The following CHST8 variants were observed in gnomAD, a reference collection of about 807,000 sequenced individuals.
The protein encoded by CHST8 is carbohydrate sulfotransferase 8, also known as GALNAC-4-ST1.
Under a neutral mutation model 15.0 loss-of-function variants are expected in CHST8, and 10 were observed. The ratio of observed to expected loss-of-function variants is 0.67; its 90% CI spans 0.41 to 1.13. The LOEUF (loss-of-function observed/expected upper bound fraction) is 1.13, where lower values mean the gene tolerates loss of function less well. CHST8 is among the 50% of genes most tolerant of loss of function. The pLI is 0.00. For synonymous variants in CHST8, 259 were observed against 256.6 expected (o/e 1.01, Z -0.09); for missense variants, 634 against 608.2 (o/e 1.04, Z -0.45).
chr19:33,703,162 G>A (rs1483562192), intron 3 of CHST8, among the ~76,000 whole-genome samples: 1 of 152,220 alleles, frequency 6.6e-6, no homozygotes, highest in African/African-American at 2.4e-5. Context: ...CCCGAGGTAG[G>A]GGGCCCTTTG....
At chr19:33,666,561 A>T (rs1039320273) in intron 1 of CHST8, among the ~76,000 whole-genome samples, 1 of 152,216 alleles carries the variant, frequency 6.6e-6, no homozygotes, top group Admixed American at 6.5e-5. Flanking sequence ...GAGGCTGGGC[A>T]TCAGGGAAGA....
chr19:33,739,670 T>C (rs1318981021), intron 3 of CHST8, among the ~76,000 whole-genome samples: 3 of 152,234 alleles, frequency 2.0e-5, no homozygotes, highest in Non-Finnish European at 4.4e-5. Context: ...GTTCCTTCCA[T>C]CAGTCCCAAA....
chr19:33,623,086 C>G (rs973794640), intron 1 of CHST8, among the ~76,000 whole-genome samples: 2 of 152,156 alleles, frequency 1.3e-5, no homozygotes, highest in African/African-American at 4.8e-5. Flanking sequence ...TGGCAGTGCC[C>G]GATGCTGGGG....
At position 33,772,967 on chromosome 19, in the gene CHST8, C is replaced by T. The variant is rs140955724; in HGVS notation, c.1179C>T (p.Ala393=). The change falls in exon 5 of 5, where the codon GCC becomes GCT. Residue 393 remains alanine, a synonymous_variant. Coordinates refer to ENST00000650847, the MANE Select transcript of CHST8 (RefSeq NM_001127895.2). The part of the protein sequence containing the change: ...TTARIAHQYF[A]QLSALQRQRT... ...CGAGGATCGCCCACCAGTACTTCGC[C>T]CAACTCTCGGCCCTGCAAAGGCAGC... 7.6e-5 allele frequency: 123 copies of T among 1,613,632 alleles called. No individual in the cohort carries two copies. The highest frequency in any genetic ancestry group is 1.2e-4 in the Admixed American group (7 of 60,038).
In CHST8 at chr19:33,748,760, GCTCCTGGGCC is replaced by G. The variant is rs948598880; in HGVS notation, c.131-22650_131-22641del. 2.0e-5 allele frequency among the ~76,000 whole-genome samples: 3 copies of G among 152,156 alleles called. 1 individual carries two copies. Among genetic ancestry groups the G allele is most frequent in the Admixed American group, 1.3e-4 (2 of 15,266 alleles). ...GGCTGCAGGCAGGTAAATTGCTGCCGCTCCTGGGCCCTTAGGAGGCTCTCACAGCTCAGAT... is the reference window on the plus strand; with the variant it reads ...GGCTGCAGGCAGGTAAATTGCTGCCGCTTAGGAGGCTCTCACAGCTCAGAT... On this transcript the variant is annotated intron_variant, in intron 3 of 4. Coordinates refer to ENST00000650847, the MANE Select transcript of CHST8 (RefSeq NM_001127895.2).
At chr19:33,657,514 C>G (rs1463006839) in intron 1 of CHST8, among the ~76,000 whole-genome samples, 1 of 151,782 alleles carries the variant, frequency 6.6e-6, no homozygotes, top group African/African-American at 2.4e-5. Context: ...TTAAGCAATT[C>G]GCCCACCTCA....
At chr19:33,681,548 G>A (rs1007432735) in intron 2 of CHST8, among the ~76,000 whole-genome samples, 2 of 152,230 alleles carry the variant, frequency 1.3e-5, no homozygotes, top group African/African-American at 4.8e-5. Flanking sequence ...CAGGCGGCAG[G>A]TGTGGGTGAG....
At chr19:33,651,540 G>A (rs1227082677) in intron 1 of CHST8, among the ~76,000 whole-genome samples, 1 of 152,002 alleles carries the variant, frequency 6.6e-6, no homozygotes, top group African/African-American at 2.4e-5. Context: ...ATTCTGTAAT[G>A]CATTTCTGAA....
At chr19:33,719,195 T>C (rs1437529612) in intron 3 of CHST8, among the ~76,000 whole-genome samples, 1 of 134,006 alleles carries the variant, frequency 7.5e-6, no homozygotes, top group Non-Finnish European at 1.6e-5. Context: ...AAATGTTTTG[T>C]AAAATGTTTA....
intron 3 of CHST8, among the ~76,000 whole-genome samples, chr19:33,691,098 C>T (rs1017599090): frequency 1.7e-4 from 26 of 152,242 alleles, no homozygotes; most frequent in Non-Finnish European, 2.9e-5. Context: ...GTGGCTTCAG[C>T]TAGTGCCCTG....
At chr19:33,650,636 A>G (rs1972435198) in intron 1 of CHST8, among the ~76,000 whole-genome samples, 1 of 140,746 alleles carries the variant, frequency 7.1e-6, no homozygotes, top group Non-Finnish European at 1.5e-5. Flanking sequence ...GGTTCAAACC[A>G]TTCTCGTGCC....
intron 3 of CHST8, among the ~76,000 whole-genome samples, chr19:33,713,854 C>T (rs1973607018): frequency 2.0e-5 from 3 of 150,962 alleles, no homozygotes; most frequent in African/African-American, 7.4e-5. Context: ...TTACCACACC[C>T]AGCCACTGGG....
intron 4 of CHST8, 121 bp downstream of exon 4, chr19:33,771,571 T>C: frequency 9.9e-7 from 1 of 1,006,046 alleles, no homozygotes; most frequent in Non-Finnish European, 1.5e-6. Flanking sequence ...GTGTCCAGCC[T>C]TTCCCAGGAG....
chr19:33,770,217 A>T (rs1974946506), intron 3 of CHST8, among the ~76,000 whole-genome samples: 1 of 152,170 alleles, frequency 6.6e-6, no homozygotes, highest in African/African-American at 2.4e-5. Context: ...TCTGCCCAGG[A>T]CGTGGAGACA....
intron 2 of CHST8, among the ~76,000 whole-genome samples, chr19:33,682,194 T>G (rs1006325641): frequency 1.4e-4 from 20 of 144,112 alleles, no homozygotes; most frequent in African/African-American, 4.6e-4. Context: ...GTTGTTTTTT[T>G]TTTTTTTTTT....
chr19:33,648,619 A>G (rs567506482), intron 1 of CHST8, among the ~76,000 whole-genome samples: 1 of 152,322 alleles, frequency 6.6e-6, no homozygotes, highest in Non-Finnish European at 1.5e-5. Context: ...TCATGCCTAT[A>G]ATCCCAGCAC....
rs1568358562 is a variant in CHST8 at position 33,757,473 on chromosome 19, A to G, written c.131-13940A>G. ...AAGAAAGAAAGAAAGAAAGAAAGAAAGAAAGAAAGAAAGAAAGAAAGAAAG... is the reference window on the plus strand; with the variant it reads ...AAGAAAGAAAGAAAGAAAGAAAGAAGGAAAGAAAGAAAGAAAGAAAGAAAG... On this transcript the variant is annotated intron_variant, in intron 3 of 4. Coordinates refer to ENST00000650847, the MANE Select transcript of CHST8 (RefSeq NM_001127895.2). 3.7e-4 allele frequency among the ~76,000 whole-genome samples: 18 copies of G among 48,994 alleles called. 1 individual carries two copies. Among genetic ancestry groups the G allele is most frequent in the African/African-American group, 7.8e-4 (9 of 11,496 alleles). The allele number at this position is 48,994 out of a possible 152,430, so 32.1% of individuals were successfully genotyped here.
At chr19:33,687,015 G>A (rs574059333) in intron 2 of CHST8, among the ~76,000 whole-genome samples, 5 of 152,364 alleles carry the variant, frequency 3.3e-5, no homozygotes, top group South Asian at 4.1e-4. Flanking sequence ...GTGTCGGTGC[G>A]TGACATCTTT....
At chr19:33,648,758 A>G (rs910577847) in intron 1 of CHST8, among the ~76,000 whole-genome samples, 2 of 152,148 alleles carry the variant, frequency 1.3e-5, no homozygotes, top group African/African-American at 4.8e-5. Flanking sequence ...TTGTACACGA[A>G]TGTGTACACA....
Sources: allele counts gnomAD v4.1 joint callset (sites outside exome capture counted in the v4.1 genomes callset), GRCh38; gene constraint gnomAD v4.1.1; transcripts MANE v1.5; gene names NCBI Gene and HGNC (gene_info 2026-07-23, HGNC 2026-07-21).